The following SAMMSON variants were observed in gnomAD, a reference collection of about 807,000 sequenced individuals.
SAMMSON encodes survival associated mitochondrial melanoma specific oncogenic non-coding RNA, also known as long intergenic non-protein coding RNA 1212.
chr3:70,313,140 T>C (rs1400303055), intron 7 of SAMMSON, among the ~76,000 whole-genome samples: 1 of 152,216 alleles, frequency 6.6e-6, no homozygotes, highest in African/African-American at 2.4e-5. Flanking sequence ...ATTCCAAAGA[T>C]GATATGTCAT....
chr3:70,277,651 A>G (rs1216627822), intron 6 of SAMMSON, among the ~76,000 whole-genome samples: 2 of 152,110 alleles, frequency 1.3e-5, no homozygotes, highest in African/African-American at 4.8e-5. Context: ...CTTCTAATGA[A>G]AGTATGGTCG....
intron 3 of SAMMSON, among the ~76,000 whole-genome samples, chr3:70,018,676 G>A (rs1163816174): frequency 1.3e-5 from 2 of 151,850 alleles, no homozygotes; most frequent in African/African-American, 2.4e-5. Context: ...GTGATGTTAG[G>A]GTGTCAATTT....
At chr3:70,045,032 T>C (rs1314048254) in intron 3 of SAMMSON, among the ~76,000 whole-genome samples, 2 of 123,650 alleles carry the variant, frequency 1.6e-5, no homozygotes, top group Admixed American at 9.2e-5. Context: ...TTATAATATA[T>C]ATTATAATTA....
chr3:70,333,465 T>G (rs1003439357), intron 7 of SAMMSON, among the ~76,000 whole-genome samples: 2 of 152,320 alleles, frequency 1.3e-5, no homozygotes, highest in Non-Finnish European at 2.9e-5. Context: ...GAACTTTCAT[T>G]GTTTTCTTCA....
At chr3:70,023,253 G>C (rs533504189) in intron 3 of SAMMSON, among the ~76,000 whole-genome samples, 4 of 151,832 alleles carry the variant, frequency 2.6e-5, no homozygotes, top group Non-Finnish European at 5.9e-5. Flanking sequence ...TCAGGAGATC[G>C]AGACCATCCT....
At chr3:70,295,705 CAAAT>C (rs1380586362) in intron 7 of SAMMSON, among the ~76,000 whole-genome samples, 4 of 151,906 alleles carry the variant, frequency 2.6e-5, no homozygotes, top group Non-Finnish European at 5.9e-5. Flanking sequence ...AATAAATAAA[CAAAT>C]AAATATACAA....
At chr3:70,316,740 T>C (rs112497230) in intron 7 of SAMMSON, among the ~76,000 whole-genome samples, 18 of 152,178 alleles carry the variant, frequency 1.2e-4, no homozygotes, top group African/African-American at 3.9e-4. Flanking sequence ...CAGGAGAAGG[T>C]TACAGCTAAC....
chr3:70,115,275 C>T (rs1329772066), intron 4 of SAMMSON, among the ~76,000 whole-genome samples: 1 of 150,320 alleles, frequency 6.7e-6, no homozygotes, highest in African/African-American at 2.4e-5. Context: ...TTAAAGCTTT[C>T]TAGTAATTGG....
chr3:70,051,863 T>G (rs1407524572), intron 3 of SAMMSON, among the ~76,000 whole-genome samples: 1 of 152,066 alleles, frequency 6.6e-6, no homozygotes, highest in African/African-American at 2.4e-5. Flanking sequence ...TTTGGAAGGC[T>G]AAGGCAGGAA....
intron 9 of SAMMSON, among the ~76,000 whole-genome samples, chr3:70,379,619 C>T (rs1371317193): frequency 6.6e-6 from 1 of 152,148 alleles, no homozygotes; most frequent in Non-Finnish European, 1.5e-5. Flanking sequence ...CTCAATCAGT[C>T]ATTGGATATG....
intron 4 of SAMMSON, among the ~76,000 whole-genome samples, chr3:70,105,588 A>G (rs1334454973): frequency 2.0e-5 from 3 of 152,214 alleles, no homozygotes; most frequent in Non-Finnish European, 4.4e-5. Flanking sequence ...GGAAGAGAGC[A>G]CAAAACTTCC....
chr3:70,252,966 G>A (rs1452928787), intron 6 of SAMMSON, among the ~76,000 whole-genome samples: 7 of 152,034 alleles, frequency 4.6e-5, no homozygotes, highest in Non-Finnish European at 8.8e-5. Context: ...TGTAATTCCA[G>A]CTACTAGGGA....
At chr3:70,051,134 C>CAAAAAAAAA (rs71126477) in intron 3 of SAMMSON, among the ~76,000 whole-genome samples, 83 of 45,232 alleles carry the variant, frequency 1.8e-3, no homozygotes, top group Admixed American at 2.6e-3. Context: ...TACTCCATCT[C>CAAAAAAAAA]AAAAAAAAAA....
intron 7 of SAMMSON, among the ~76,000 whole-genome samples, chr3:70,307,210 GTTA>G (rs1400372601): frequency 1.3e-5 from 2 of 152,102 alleles, no homozygotes; most frequent in South Asian, 2.1e-4. Context: ...TGGTGGTGTT[GTTA>G]TTGTTGTTGT....
At chr3:70,076,931 G>T (rs2067250123) in intron 4 of SAMMSON, among the ~76,000 whole-genome samples, 1 of 152,144 alleles carries the variant, frequency 6.6e-6, no homozygotes, top group South Asian at 2.1e-4. Context: ...ACAAAATACA[G>T]ATATGTTGTT....
At chr3:70,226,719 C>CAG (rs1266169841) in intron 4 of SAMMSON, among the ~76,000 whole-genome samples, 1 of 127,148 alleles carries the variant, frequency 7.9e-6, no homozygotes, top group East Asian at 2.3e-4. Flanking sequence ...GCCTGGGCAA[C>CAG]AGAGAGAGAC....
chr3:70,129,418 G>T (rs1328681147), intron 4 of SAMMSON, among the ~76,000 whole-genome samples: 1 of 152,144 alleles, frequency 6.6e-6, no homozygotes, highest in African/African-American at 2.4e-5. Context: ...CAGATAAACA[G>T]CAATTGGTGG....
chr3:70,172,278 T>C (rs1700964700), intron 4 of SAMMSON: 1 of 151,696 alleles, frequency 6.6e-6, no homozygotes, highest in East Asian at 1.9e-4. Flanking sequence ...GGTCTTTTTT[T>C]TTTTTTTTTC....
intron 3 of SAMMSON, among the ~76,000 whole-genome samples, chr3:70,031,580 C>T (rs1039490445): frequency 6.6e-6 from 1 of 151,724 alleles, no homozygotes; most frequent in Non-Finnish European, 1.5e-5. Flanking sequence ...TATTTCTGGG[C>T]AAAGAAAAGA....
Sources: gnomAD v4.1 joint callset for allele counts (sites outside exome capture counted in the v4.1 genomes callset) on GRCh38, gnomAD v4.1.1 for gene constraint, MANE v1.5 for transcripts, NCBI Gene and HGNC (gene_info 2026-07-23, HGNC 2026-07-21) for gene names.